SLC35D2: variants seen among roughly 807,000 people sequenced by gnomAD.
The protein encoded by SLC35D2 is nucleotide sugar transporter SLC35D2.
A neutral mutation model predicts 41.8 loss-of-function variants in SLC35D2; 43 were observed. The ratio of observed to expected loss-of-function variants is 1.03; its 90% confidence interval spans 0.81 to 1.33. SLC35D2 has a LOEUF of 1.33. Among genes scored for constraint, SLC35D2 ranks in the 40% most tolerant of loss-of-function variants. The pLI, the probability that SLC35D2 is intolerant of heterozygous loss-of-function variation, is 0.00. For synonymous variants in SLC35D2, 150 were observed against 163.9 expected (o/e 0.92, Z 0.65); for missense variants, 380 against 408.4 (o/e 0.93, Z 0.60).
At chr9:96,356,021 T>C (rs192449381) in intron 4 of SLC35D2, among the ~76,000 whole-genome samples, 44 of 152,342 alleles carry the variant, frequency 2.9e-4, no homozygotes, top group African/African-American at 1.1e-3. Context: ...TGGGCAATGT[T>C]TCAGCTGTGG....
chr9:96,345,079 G>C (rs1829515595), intron 7 of SLC35D2, among the ~76,000 whole-genome samples: 1 of 152,096 alleles, frequency 6.6e-6, no homozygotes. Flanking sequence ...TATATGTTCT[G>C]AGTGTGCATC....
rs977371202 is a variant in SLC35D2 at position 96,338,579 on chromosome 9, G to T, written c.685-1795C>A. ...TCAAAAAAAAAAAAAAAAAATACAC[G>T]TTAAATGTTCCTAATTGTTGAAACT... On this transcript the variant is annotated intron_variant, in intron 8 of 11. Coordinates refer to ENST00000253270, the MANE Select transcript of SLC35D2 (RefSeq NM_007001.3). 2.7e-5 allele frequency among the ~76,000 whole-genome samples: 4 copies of T among 149,578 alleles called. No individual in the cohort carries two copies. In the East Asian group the frequency reaches 7.8e-4, roughly 29 times the overall value.
intron 5 of SLC35D2, 61 bp downstream of exon 5, chr9:96,351,977 G>T: frequency 9.2e-7 from 1 of 1,082,792 alleles, no homozygotes; most frequent in Non-Finnish European, 1.4e-6. Context: ...AGAATTTGCT[G>T]GGTAAAAGAA....
rs925013245 is a variant in SLC35D2 at position 96,320,780 on chromosome 9, A to G, written c.*462T>C. ...ACATAGCTTTCATCAAAGCTAACAA[A>G]TAACTTTACTGGCAGTTAACTAATT... On this transcript the variant is annotated 3_prime_UTR_variant, in exon 12 of 12. Coordinates refer to ENST00000253270, the MANE Select transcript of SLC35D2 (RefSeq NM_007001.3). 3 of 152,582 alleles carry G rather than the reference A, an allele frequency of 2.0e-5. No individual in the cohort carries two copies. Among genetic ancestry groups the G allele is most frequent in the African/African-American group, 7.2e-5 (3 of 41,454 alleles). The allele number at this position is 152,582 out of a possible 1,614,324, so 9.5% of individuals were successfully genotyped here.
At chr9:96,338,464 G>A (rs539458763) in intron 8 of SLC35D2, among the ~76,000 whole-genome samples, 80 of 151,460 alleles carry the variant, frequency 5.3e-4, no homozygotes, top group African/African-American at 1.8e-3. Context: ...GCTGAGGTGG[G>A]AGGATCACCT....
At chr9:96,369,182 T>C (rs1319532697) in intron 1 of SLC35D2, among the ~76,000 whole-genome samples, 3 of 152,114 alleles carry the variant, frequency 2.0e-5, no homozygotes, top group Non-Finnish European at 4.4e-5. Flanking sequence ...CGCTACATAG[T>C]GATTCATTAT....
intron 1 of SLC35D2, among the ~76,000 whole-genome samples, chr9:96,382,495 ACT>A (rs1831241487): frequency 7.9e-6 from 1 of 126,842 alleles, no homozygotes; most frequent in African/African-American, 3.5e-5. Context: ...ACACACACAC[ACT>A]ATATATATAT....
chr9:96,336,057 A>C (rs982933341), intron 9 of SLC35D2, among the ~76,000 whole-genome samples: 3 of 151,912 alleles, frequency 2.0e-5, no homozygotes, highest in African/African-American at 7.2e-5. Flanking sequence ...CTTCAAAAAA[A>C]AAAAAAAAGA....
chr9:96,323,022 CT>C (rs869071613), intron 10 of SLC35D2, among the ~76,000 whole-genome samples: 18,542 of 133,114 alleles, frequency 0.14, 1,399 homozygotes, highest in East Asian at 0.28. Flanking sequence ...CCTGGTTTTT[CT>C]TTTTTTTTTT....
At chr9:96,372,535 T>C (rs1830745803) in intron 1 of SLC35D2, among the ~76,000 whole-genome samples, 1 of 151,404 alleles carries the variant, frequency 6.6e-6, no homozygotes, top group South Asian at 2.1e-4. Context: ...GTAACAGCAT[T>C]CATATTGCTC....
chr9:96,380,411 G>T (rs754296211), intron 1 of SLC35D2, among the ~76,000 whole-genome samples: 6 of 151,878 alleles, frequency 4.0e-5, no homozygotes, highest in Non-Finnish European at 8.8e-5. Context: ...CATAATGACT[G>T]GCCACTCCCA....
chr9:96,315,014 A>G (rs1263031826), intron 11 of SLC35D2: 1 of 152,158 alleles, frequency 6.6e-6, no homozygotes, highest in East Asian at 1.9e-4. Flanking sequence ...TTGCCCTTAT[A>G]ATGTCTGGAG....
chr9:96,345,032 T>TA (rs1329841652), intron 7 of SLC35D2, among the ~76,000 whole-genome samples: 1 of 152,106 alleles, frequency 6.6e-6, no homozygotes, highest in Non-Finnish European at 1.5e-5. Flanking sequence ...ATGATGCTGG[T>TA]AAAAAAATTA....
At chr9:96,332,075 C>T (rs1828834517) in intron 9 of SLC35D2, among the ~76,000 whole-genome samples, 1 of 152,202 alleles carries the variant, frequency 6.6e-6, no homozygotes, top group South Asian at 2.1e-4. Flanking sequence ...TTTCACCATT[C>T]TGTCGGCTTC....
At chr9:96,360,643 A>AG (rs1220013759) in intron 3 of SLC35D2, among the ~76,000 whole-genome samples, 2 of 149,864 alleles carry the variant, frequency 1.3e-5, no homozygotes, top group African/African-American at 5.0e-5. Context: ...AAAAAAAAAA[A>AG]AAAAAAAAAA....
intron 3 of SLC35D2, among the ~76,000 whole-genome samples, chr9:96,363,512 T>A (rs1248043899): frequency 6.6e-6 from 1 of 152,212 alleles, no homozygotes; most frequent in African/African-American, 2.4e-5. Flanking sequence ...GGTCTAAGAA[T>A]TAAATGCCTG....
intron 9 of SLC35D2, among the ~76,000 whole-genome samples, chr9:96,326,861 TC>T (rs970367436): frequency 4.7e-5 from 7 of 149,008 alleles, no homozygotes. Context: ...TTTTAATAAA[TC>T]TAACATTAAT....
chr9:96,376,139 C>T lies in SLC35D2; in HGVS notation c.158+7338G>A, dbSNP rs533926818. Among the ~76,000 whole-genome samples, 399 of 147,530 alleles carry T rather than the reference C, an allele frequency of 2.7e-3. 1 individual carries two copies. The highest frequency in any genetic ancestry group is 9.4e-3 in the African/African-American group (376 of 39,822). On this transcript the variant is annotated intron_variant, in intron 1 of 11. Transcript: ENST00000253270. The stretch of plus-strand genomic sequence containing the variant: ...TGAAACCCCTTCTCTACTAAAAATA[C>T]AAAAAAATAGCTGGGCATAGTGGCA...
chr9:96,325,659 G>C (rs1400877830), intron 9 of SLC35D2, among the ~76,000 whole-genome samples: 1 of 152,156 alleles, frequency 6.6e-6, no homozygotes, highest in African/African-American at 2.4e-5. Context: ...GTGACAGGGC[G>C]AAACTCCATT....
Sources: allele counts gnomAD v4.1 joint callset (sites outside exome capture counted in the v4.1 genomes callset), GRCh38; gene constraint gnomAD v4.1.1; transcripts MANE v1.5; gene names NCBI Gene and HGNC (gene_info 2026-07-23, HGNC 2026-07-21).